DDR2: variants seen among roughly 807,000 people sequenced by gnomAD.
DDR2 encodes the protein discoidin domain-containing receptor 2.
A neutral mutation model predicts 94.9 loss-of-function variants in DDR2; 27 were observed. The observed-to-expected ratio is 0.28, with a 90% CI of 0.21 to 0.39. The LOEUF is 0.39. Among genes scored for constraint, DDR2 ranks in the 10% least tolerant of loss-of-function variants. The pLI, the probability that DDR2 is intolerant of heterozygous loss-of-function variation, is 1.00. For synonymous variants in DDR2, 382 were observed against 377.2 expected (o/e 1.01, Z -0.15); for missense variants, 783 against 1,076.0 (o/e 0.73, Z 3.81).
At chr1:162,681,479 A>C (rs1031550839) in intron 2 of DDR2, among the ~76,000 whole-genome samples, 2 of 152,190 alleles carry the variant, frequency 1.3e-5, no homozygotes, top group South Asian at 4.1e-4. Flanking sequence ...GTGGTAAGAT[A>C]GGGTTGTAGT....
chr1:162,744,945 C>T (rs544054686), intron 3 of DDR2, among the ~76,000 whole-genome samples: 18 of 152,308 alleles, frequency 1.2e-4, no homozygotes, highest in African/African-American at 4.3e-4. Context: ...CATCATTTTA[C>T]ATTCCCACTA....
At chr1:162,769,506 T>G (rs1303109506) in intron 11 of DDR2, among the ~76,000 whole-genome samples, 1 of 152,206 alleles carries the variant, frequency 6.6e-6, no homozygotes, top group African/African-American at 2.4e-5. Context: ...CTGGGGATAT[T>G]ACTGCAACAA....
intron 1 of DDR2, among the ~76,000 whole-genome samples, chr1:162,654,063 C>T (rs551463398): frequency 5.3e-5 from 8 of 152,286 alleles, no homozygotes; most frequent in East Asian, 1.9e-4. Context: ...TGTATGCAGA[C>T]GTGGAACTGT....
chr1:162,696,997 G>C (rs1571211462), intron 2 of DDR2, among the ~76,000 whole-genome samples: 2 of 152,012 alleles, frequency 1.3e-5, no homozygotes, highest in African/African-American at 4.8e-5. Flanking sequence ...CTCTCCGTGG[G>C]CCTCCATGCC....
At chr1:162,725,773 C>T (rs927228448) in intron 3 of DDR2, among the ~76,000 whole-genome samples, 2 of 152,164 alleles carry the variant, frequency 1.3e-5, no homozygotes, top group Non-Finnish European at 2.9e-5. Context: ...GCTACAGAGA[C>T]CCGTGAATCC....
chr1:162,747,457 G>GC (rs1662936119), intron 3 of DDR2, among the ~76,000 whole-genome samples: 4 of 48,500 alleles, frequency 8.2e-5, no homozygotes, highest in Admixed American at 3.1e-4. Context: ...AGAAAAAAGA[G>GC]TAAAAAAAAA....
At chr1:162,664,088 A>G (rs1398373413) in intron 2 of DDR2, among the ~76,000 whole-genome samples, 2 of 152,198 alleles carry the variant, frequency 1.3e-5, no homozygotes, top group East Asian at 3.8e-4. Context: ...AGAAAGCAAC[A>G]GTGCAAAATG....
chr1:162,654,776 AT>A (rs2101908243), intron 1 of DDR2, among the ~76,000 whole-genome samples: 1 of 152,308 alleles, frequency 6.6e-6, no homozygotes, highest in Non-Finnish European at 1.5e-5. Flanking sequence ...GCTCAGTGAC[AT>A]GTGCCATTGC....
chr1:162,660,499 T>C (rs952891504), intron 2 of DDR2, among the ~76,000 whole-genome samples: 2 of 152,194 alleles, frequency 1.3e-5, no homozygotes, highest in African/African-American at 4.8e-5. Flanking sequence ...GACCTCAGAC[T>C]AAATCAGAAT....
At chr1:162,666,703 T>C (rs567047955) in intron 2 of DDR2, among the ~76,000 whole-genome samples, 88 of 152,192 alleles carry the variant, frequency 5.8e-4, no homozygotes, top group Admixed American at 1.0e-3. Flanking sequence ...TCTGCATTTT[T>C]TAAAAATTAA....
intron 2 of DDR2, among the ~76,000 whole-genome samples, chr1:162,705,314 G>T (rs951949486): frequency 2.6e-5 from 4 of 152,220 alleles, no homozygotes; most frequent in South Asian, 2.1e-4. Context: ...CCAGCTACGA[G>T]CCAATGGATC....
At chr1:162,742,326 C>A (rs1378423999) in intron 3 of DDR2, among the ~76,000 whole-genome samples, 1 of 152,128 alleles carries the variant, frequency 6.6e-6, no homozygotes, top group Non-Finnish European at 1.5e-5. Flanking sequence ...TTAATTAGCT[C>A]ATAATTCTGC....
At chr1:162,713,380 A>G (rs1020863202) in intron 2 of DDR2, among the ~76,000 whole-genome samples, 8 of 152,230 alleles carry the variant, frequency 5.3e-5, no homozygotes, top group African/African-American at 1.7e-4. Context: ...TGACATTAAC[A>G]AGGAACACAT....
chr1:162,691,062 G>GTTTTTGGTGAGGA (rs1659941987), intron 2 of DDR2, among the ~76,000 whole-genome samples: 2 of 152,110 alleles, frequency 1.3e-5, no homozygotes, highest in South Asian at 4.1e-4. Flanking sequence ...CTCACCAACT[G>GTTTTTGGTGAGGA]ACATTTCCCC....
chr1:162,660,201 A>G (rs1658221334), intron 2 of DDR2, among the ~76,000 whole-genome samples: 1 of 152,196 alleles, frequency 6.6e-6, no homozygotes, highest in Non-Finnish European at 1.5e-5. Context: ...TATAAGAGAC[A>G]TTAAATTTTT....
intron 1 of DDR2, among the ~76,000 whole-genome samples, chr1:162,640,671 T>C (rs1288784205): frequency 1.3e-5 from 2 of 152,322 alleles, no homozygotes; most frequent in East Asian, 3.9e-4. Context: ...CTTAATTTTG[T>C]TTTTCAGATA....
At chr1:162,683,131 C>A (rs571503670) in intron 2 of DDR2, among the ~76,000 whole-genome samples, 6 of 152,084 alleles carry the variant, frequency 3.9e-5, no homozygotes, top group African/African-American at 1.4e-4. Flanking sequence ...AATTATTTGA[C>A]AAAATTCAAT....
chr1:162,680,963 T>C (rs1455113152), intron 2 of DDR2, among the ~76,000 whole-genome samples: 3 of 152,164 alleles, frequency 2.0e-5, no homozygotes, highest in Non-Finnish European at 2.9e-5. Flanking sequence ...GGAGGAGTGT[T>C]GTGTCCATAG....
intron 11 of DDR2, among the ~76,000 whole-genome samples, chr1:162,768,980 GA>G (rs1160406423): frequency 1.3e-5 from 2 of 152,212 alleles, no homozygotes; most frequent in African/African-American, 2.4e-5. Context: ...AAGGTTCATT[GA>G]ACTGCTTGAA....
Sources: allele counts gnomAD v4.1 joint callset (sites outside exome capture counted in the v4.1 genomes callset), GRCh38; gene constraint gnomAD v4.1.1; transcripts MANE v1.5; gene names NCBI Gene and HGNC (gene_info 2026-07-23, HGNC 2026-07-21).